Variants in RSPO4 observed in about 807,000 individuals in gnomAD.
RSPO4 encodes the protein R-spondin-4.
RSPO4 carries 23 observed loss-of-function variants against 24.8 expected under a neutral mutation model. The ratio of observed to expected loss-of-function variants is 0.93; its 90% CI spans 0.67 to 1.31. The LOEUF (loss-of-function observed/expected upper bound fraction) is 1.31. RSPO4 is among the 40% of genes most tolerant of loss of function. RSPO4 has a pLI of 0.00. For missense variants in RSPO4, 333 were observed against 316.5 expected (o/e 1.05, Z -0.39); for synonymous variants, 141 against 127.4 (o/e 1.11, Z -0.72).
chr20:999,886 T>C (rs1383810836), intron 1 of RSPO4, among the ~76,000 whole-genome samples: 1 of 152,126 alleles, frequency 6.6e-6, no homozygotes, highest in Non-Finnish European at 1.5e-5. Context: ...TTGTTGTTGT[T>C]GAGACAGAGT....
Position 986,717 on chromosome 20 carries a change from C to A in RSPO4, c.79+15369G>T, listed in dbSNP as rs2122251977. ...TAACCCTCTGTTACAACTTCAGTAT[C>A]ATCATTAAGCCAGTTACACACAAAG... On this transcript the variant is annotated intron_variant, in intron 1 of 4. Coordinates refer to ENST00000217260, the MANE Select transcript of RSPO4 (RefSeq NM_001029871.4). Among the ~76,000 whole-genome samples, 3 of 151,600 alleles carry A rather than the reference C, an allele frequency of 2.0e-5. No individual in the cohort carries two copies. The South Asian group carries it at 6.3e-4, about 32-fold the overall frequency.
At chr20:961,702 TG>T (rs1320526121) in intron 4 of RSPO4, among the ~76,000 whole-genome samples, 2 of 152,016 alleles carry the variant, frequency 1.3e-5, no homozygotes, top group African/African-American at 4.8e-5. Flanking sequence ...TGTGGGGGTG[TG>T]GGGGCCAGTG....
At chr20:986,610 G>T (rs1358469617) in intron 1 of RSPO4, among the ~76,000 whole-genome samples, 1 of 132,522 alleles carries the variant, frequency 7.5e-6, no homozygotes, top group Non-Finnish European at 1.5e-5. Context: ...TCTGCCCAAA[G>T]TTATTAAGGA....
chr20:964,354 A>G (rs2281394), intron 3 of RSPO4, among the ~76,000 whole-genome samples: 10,395 of 152,184 alleles, frequency 0.068, 1,006 homozygotes, highest in African/African-American at 0.22. Context: ...GCTTTAAAGG[A>G]AAGGCTTCCT....
At chr20:962,695 A>G (rs1394377756) in intron 4 of RSPO4, among the ~76,000 whole-genome samples, 1 of 152,206 alleles carries the variant, frequency 6.6e-6, no homozygotes, top group Non-Finnish European at 1.5e-5. Context: ...TCCTTCTGAA[A>G]GAGGAGTGTC....
chr20:962,955 T>G (rs1984052386), intron 4 of RSPO4, among the ~76,000 whole-genome samples: 1 of 152,210 alleles, frequency 6.6e-6, no homozygotes, highest in South Asian at 2.1e-4. Flanking sequence ...ACTGCGAAGA[T>G]TACATGAGTT....
intron 1 of RSPO4, among the ~76,000 whole-genome samples, chr20:992,454 G>A (rs1469249597): frequency 9.2e-5 from 14 of 151,942 alleles, no homozygotes; most frequent in African/African-American, 2.9e-4. Context: ...AGTTAGGTCT[G>A]CTGAGCACTT....
intron 1 of RSPO4, among the ~76,000 whole-genome samples, chr20:983,704 G>A (rs1312060383): frequency 6.6e-6 from 1 of 152,246 alleles, no homozygotes; most frequent in East Asian, 1.9e-4. Flanking sequence ...AGTGTGGTAA[G>A]CTGGTTTTGT....
Position 970,519 on chromosome 20 carries a change from A to G in RSPO4, c.80-2381T>C, listed in dbSNP as rs1984373967. Among the ~76,000 whole-genome samples, 1 of 152,180 alleles carries G rather than the reference A, an allele frequency of 6.6e-6. No homozygotes were observed. The highest frequency in any genetic ancestry group is 1.5e-5 in the Non-Finnish European group (1 of 68,040). On this transcript the variant is annotated intron_variant, in intron 1 of 4. Transcript: ENST00000217260. This position sits in a 1 kb window ranked among gnomAD's most constrained non-coding sequence, Gnocchi z 4.1. ...CTCAATTTTCTTGCCCTGGGATAAGAAACTGCAACAGGAGAGCAGAATAAA... is the reference window on the plus strand; with the variant it reads ...CTCAATTTTCTTGCCCTGGGATAAGGAACTGCAACAGGAGAGCAGAATAAA...
intron 3 of RSPO4, among the ~76,000 whole-genome samples, chr20:966,776 G>A (rs1984214385): frequency 1.3e-5 from 2 of 152,166 alleles, no homozygotes; most frequent in Non-Finnish European, 2.9e-5. Context: ...GATTCTCTGA[G>A]CCTAGGAGTT....
intron 1 of RSPO4, among the ~76,000 whole-genome samples, chr20:972,746 C>A (rs1170057170): frequency 6.6e-6 from 1 of 152,182 alleles, no homozygotes; most frequent in African/African-American, 2.4e-5. Flanking sequence ...GGTTTTCCGC[C>A]ATGCAAGGCA....
In RSPO4 at chr20:963,825, T is replaced by TA. The variant is rs1984083178; in HGVS notation, c.595+109_595+110insT. On this transcript the variant is annotated intron_variant, in intron 4 of 4. Coordinates refer to ENST00000217260, the MANE Select transcript of RSPO4 (RefSeq NM_001029871.4). Reference sequence around the variant, plus strand: ...CTCCACATGATAGTATGGCTAATGGTGGCCTTTCAGGCAGTCTCATAGATA... The same window carrying TA: ...CTCCACATGATAGTATGGCTAATGGTAGGCCTTTCAGGCAGTCTCATAGATA... 2.7e-6 allele frequency: 3 copies of TA among 1,107,608 alleles called. No homozygotes were observed. The Admixed American group carries it at 5.2e-5, about 19-fold the overall frequency. The allele number at this position is 1,107,608 out of a possible 1,614,324, so 68.6% of individuals were successfully genotyped here.
intron 1 of RSPO4, among the ~76,000 whole-genome samples, chr20:990,319 C>T (rs1048320318): frequency 1.3e-5 from 2 of 152,196 alleles, no homozygotes; most frequent in Admixed American, 1.3e-4. Context: ...GGGAAGGCTA[C>T]TCCAAGTGCC....
rs1048570543 is a variant in RSPO4 at position 967,813 on chromosome 20, A to G, written c.268+137T>C. On this transcript the variant is annotated intron_variant, in intron 2 of 4. Transcript: ENST00000217260. ...CTCGGGCTGCGGAGTCAGCCTGGAC[A>G]CAGGCAGGTATCTCAGAGTCTGGGC... is the stretch of plus-strand genomic sequence containing the variant. The G allele has an allele frequency of 8.8e-6, 8 of 910,766 alleles. 2 individuals are homozygous for G. The highest frequency in any genetic ancestry group is 1.3e-5 in the South Asian group (1 of 75,516). 56.4% of individuals were successfully genotyped at this position (910,766 alleles called of 1,614,324 possible).
chr20:968,119 G>A lies in RSPO4; in HGVS notation c.99C>T (p.Gly33=). The stretch of plus-strand genomic sequence containing the variant: ...AGCAGATGATACAGCCTGTGCAGTT[G>A]CCCCCCAGGCCAGTGCCCACTGCCC... ...RKKQVGTGLG[G]NCTGCIICSE... Residue 33 remains glycine, a synonymous_variant, in exon 2 of 5, where the codon GGC becomes GGT. Coordinates refer to ENST00000217260, the MANE Select transcript of RSPO4 (RefSeq NM_001029871.4). 1.2e-6 allele frequency: 2 copies of A among 1,614,042 alleles called. No individual in the cohort carries two copies. Among genetic ancestry groups the A allele is most frequent in the African/African-American group, 1.3e-5 (1 of 75,064 alleles).
intron 1 of RSPO4, among the ~76,000 whole-genome samples, chr20:997,543 C>A (rs1985333808): frequency 6.6e-6 from 1 of 152,158 alleles, no homozygotes; most frequent in African/African-American, 2.4e-5. Flanking sequence ...CCAGTCATTA[C>A]CCACCCCTGC....
intron 1 of RSPO4, among the ~76,000 whole-genome samples, chr20:1,000,359 G>A (rs1263534156): frequency 6.6e-6 from 1 of 152,116 alleles, no homozygotes; most frequent in Admixed American, 6.5e-5. Flanking sequence ...CAGAAAACAA[G>A]CATCTCTCCC....
At position 1,002,117 on chromosome 20, in the gene RSPO4, G is replaced by C. The variant is rs530215228; in HGVS notation, c.48C>G (p.Asp16Glu). The change falls in exon 1 of 5, where the codon GAC becomes GAG. Residue 16 changes from aspartate to glutamate, a missense_variant. By Grantham distance (45) the Asp-to-Glu change is conservative. Coordinates refer to ENST00000217260, the MANE Select transcript of RSPO4 (RefSeq NM_001029871.4). The surrounding 1 kb of genome is among the most constrained non-coding windows in gnomAD (Gnocchi z 4.6). ...TCTTCCTTCGGTTCAGGGCGAGCAT[G>C]TCCACGGCGTGGGCGACGAGCAGGA... is the stretch of plus-strand genomic sequence containing the variant. The part of the protein sequence containing the change: ...CLLLLVAHAV[D>E]MLALNRRKKQ... 1 of 1,565,528 alleles carries C rather than the reference G, an allele frequency of 6.4e-7. No homozygotes were observed. The highest frequency in any genetic ancestry group is 2.4e-5 in the East Asian group (1 of 42,376).
At chr20:976,628 C>T (rs1038272714) in intron 1 of RSPO4, among the ~76,000 whole-genome samples, 5 of 151,914 alleles carry the variant, frequency 3.3e-5, no homozygotes, top group Non-Finnish European at 7.4e-5. Flanking sequence ...CCATATCATG[C>T]CTTCCATCTG....
Sources: allele counts gnomAD v4.1 joint callset (sites outside exome capture counted in the v4.1 genomes callset), GRCh38; gene constraint gnomAD v4.1.1; non-coding constraint Gnocchi (gnomAD v3.1); transcripts MANE v1.5; gene names NCBI Gene and HGNC (gene_info 2026-07-23, HGNC 2026-07-21).